CNGA1: variants seen among roughly 807,000 people sequenced by gnomAD.
CNGA1 encodes cyclic nucleotide-gated channel alpha-1.
Under a neutral mutation model 69.7 loss-of-function variants are expected in CNGA1, and 53 were observed. That is an observed-to-expected ratio of 0.76 (90% CI 0.61 to 0.96). The LOEUF (loss-of-function observed/expected upper bound fraction) is 0.96. Among genes scored for constraint, CNGA1 ranks in the 40% least tolerant of loss-of-function variants. The probability of loss-of-function intolerance (pLI) is 0.00; values close to 1 mark genes in which losing one functional copy is unlikely to be tolerated. For missense variants in CNGA1, 739 were observed against 811.2 expected (o/e 0.91, Z 1.08); for synonymous variants, 249 against 283.5 (o/e 0.88, Z 1.22).
chr4:47,951,864 A>G (rs888518561), intron 4 of CNGA1, among the ~76,000 whole-genome samples: 1 of 152,218 alleles, frequency 6.6e-6, no homozygotes, highest in Non-Finnish European at 1.5e-5. Context: ...CATATACATT[A>G]TATTCATTTA....
At chr4:47,969,660 G>A (rs1740912863) in intron 3 of CNGA1, among the ~76,000 whole-genome samples, 2 of 152,068 alleles carry the variant, frequency 1.3e-5, no homozygotes, top group Admixed American at 6.6e-5. Flanking sequence ...AGTAGAGACA[G>A]GGTTTCACCG....
chr4:48,014,831 A>G (rs1262627481), intron 1 of CNGA1, among the ~76,000 whole-genome samples: 1 of 152,238 alleles, frequency 6.6e-6, no homozygotes, highest in Non-Finnish European at 1.5e-5. Flanking sequence ...AATTTTTGAT[A>G]AAGACAAAAT....
chr4:48,010,638 C>T (rs1715112519), intron 2 of CNGA1, among the ~76,000 whole-genome samples, 156 bp downstream of exon 2: 1 of 152,180 alleles, frequency 6.6e-6, no homozygotes, highest in Admixed American at 6.5e-5. Flanking sequence ...CTATTAGAAG[C>T]CGTGGGTCAT....
At chr4:47,977,753 G>T (rs1025894005) in intron 3 of CNGA1, among the ~76,000 whole-genome samples, 1 of 151,642 alleles carries the variant, frequency 6.6e-6, no homozygotes, top group Non-Finnish European at 1.5e-5. Context: ...GCATTTTATT[G>T]CACAAAACAC....
chr4:47,971,060 G>A (rs542778292), intron 3 of CNGA1: 6 of 454,584 alleles, frequency 1.3e-5, no homozygotes, highest in Non-Finnish European at 2.6e-5. Context: ...AGCCGAGATC[G>A]CGCCACTGCA....
At chr4:48,006,405 A>G (rs998238961) in intron 2 of CNGA1, among the ~76,000 whole-genome samples, 2 of 152,158 alleles carry the variant, frequency 1.3e-5, no homozygotes, top group Non-Finnish European at 2.9e-5. Context: ...ATTACTGATA[A>G]TGTACACTAA....
At position 47,997,952 on chromosome 4, in the gene CNGA1, A is replaced by G. The variant is rs533219531; in HGVS notation, c.-123+12842T>C. Among the ~76,000 whole-genome samples, 4 of 152,338 alleles carry G rather than the reference A, an allele frequency of 2.6e-5. No individual in the cohort carries two copies. In the East Asian group the frequency reaches 7.7e-4, roughly 29 times the overall value. On this transcript the variant is annotated intron_variant, in intron 2 of 10. Coordinates refer to ENST00000514170, the MANE Select transcript of CNGA1 (RefSeq NM_001379270.1). ...TTTAATACCCCAATACACCCACCATAAAGTAGAAAAATCATAAGATGAACC... is the reference window on the plus strand; with the variant it reads ...TTTAATACCCCAATACACCCACCATGAAGTAGAAAAATCATAAGATGAACC...
At chr4:47,949,720 T>C in intron 6 of CNGA1, 113 bp downstream of exon 6, 1 of 756,308 alleles carries the variant, frequency 1.3e-6, no homozygotes. Flanking sequence ...GCCATTGTAT[T>C]AGATCATTTG....
At chr4:47,982,925 C>T (rs535751839) in intron 2 of CNGA1, among the ~76,000 whole-genome samples, 21 of 152,208 alleles carry the variant, frequency 1.4e-4, no homozygotes, top group Admixed American at 9.8e-4. Context: ...CTGCCTCAGC[C>T]TCCCAAGTAG....
At chr4:47,999,889 TA>T (rs1303204879) in intron 2 of CNGA1, among the ~76,000 whole-genome samples, 1 of 152,028 alleles carries the variant, frequency 6.6e-6, no homozygotes, top group Non-Finnish European at 1.5e-5. Context: ...ATAATAATAA[TA>T]ATGGATTAGC....
At chr4:47,995,974 G>C (rs1169930047) in intron 2 of CNGA1, among the ~76,000 whole-genome samples, 2 of 152,158 alleles carry the variant, frequency 1.3e-5, no homozygotes, top group Non-Finnish European at 2.9e-5. Flanking sequence ...GGGGTTGTCT[G>C]CACAGAGTCC....
intron 3 of CNGA1, among the ~76,000 whole-genome samples, chr4:47,971,306 G>A (rs1317577492): frequency 6.6e-6 from 1 of 151,902 alleles, no homozygotes; most frequent in Non-Finnish European, 1.5e-5. Context: ...AATTGGAGTG[G>A]AAGGGAAAAT....
intron 2 of CNGA1, 132 bp from the exon 3 acceptor site, chr4:47,981,632 C>T (rs573678844): frequency 1.3e-4 from 20 of 152,076 alleles, no homozygotes; most frequent in Admixed American, 9.8e-4. Flanking sequence ...TTTCATGACT[C>T]GGCATTGGAT....
rs77133429 is a variant in CNGA1 at position 47,978,413 on chromosome 4, C to T, written c.-15+2980G>A. ...TAATTTTTATTAAATAAGCTAGGCA[C>T]ATTTCTTATTAAATGTACTCTATGT... On this transcript the variant is annotated intron_variant, in intron 3 of 10. Coordinates refer to ENST00000514170, the MANE Select transcript of CNGA1 (RefSeq NM_001379270.1). Among the ~76,000 whole-genome samples, 1,443 of 152,120 alleles carry T rather than the reference C, an allele frequency of 9.5e-3. 20 individuals carry two copies. Among genetic ancestry groups the T allele is most frequent in the African/African-American group, 0.033 (1,388 of 41,518 alleles).
chr4:47,991,293 C>T (rs942738264), intron 2 of CNGA1, among the ~76,000 whole-genome samples: 6 of 152,184 alleles, frequency 3.9e-5, no homozygotes, highest in African/African-American at 1.4e-4. Flanking sequence ...GAAATGTTCC[C>T]TCTTCACCGC....
At chr4:47,967,756 A>G (rs1179135929) in intron 3 of CNGA1, among the ~76,000 whole-genome samples, 1 of 152,174 alleles carries the variant, frequency 6.6e-6, no homozygotes. Context: ...AGGTGGGCGG[A>G]TCACAAGGTC....
chr4:47,936,416 C>T lies in CNGA1; in HGVS notation c.*5G>A, dbSNP rs376234431. On this transcript the variant is annotated 3_prime_UTR_variant, in exon 11 of 11. Transcript: ENST00000514170. ...ATGTCCCTGTTAATGACCAGCTTTT[C>T]GGTTCTATGTAGAGTCGATGGGCCC... 3.6e-5 allele frequency: 58 copies of T among 1,613,992 alleles called. No homozygotes were observed. In the East Asian group the frequency reaches 6.0e-4, roughly 17 times the overall value.
chr4:47,975,840 G>A (rs1188623276), intron 3 of CNGA1, among the ~76,000 whole-genome samples: 1 of 151,910 alleles, frequency 6.6e-6, no homozygotes, highest in African/African-American at 2.4e-5. Context: ...ACAATGGTTG[G>A]AGACCTTAAT....
chr4:47,991,822 C>T (rs1410687337), intron 2 of CNGA1, among the ~76,000 whole-genome samples: 1 of 152,124 alleles, frequency 6.6e-6, no homozygotes, highest in Non-Finnish European at 1.5e-5. Flanking sequence ...AGTCTTTAAT[C>T]CATCTTGAGT....
Sources: gnomAD v4.1 joint callset for allele counts (sites outside exome capture counted in the v4.1 genomes callset) on GRCh38, gnomAD v4.1.1 for gene constraint, MANE v1.5 for transcripts, NCBI Gene and HGNC (gene_info 2026-07-23, HGNC 2026-07-21) for gene names.